CNGB3: variants seen among roughly 807,000 people sequenced by gnomAD.
The protein encoded by CNGB3 is cyclic nucleotide gated channel subunit beta 3.
In CNGB3, 86 loss-of-function variants were observed where a neutral mutation model predicts 92.8. The ratio of observed to expected loss-of-function variants is 0.93; its 90% CI spans 0.78 to 1.11. CNGB3 has a LOEUF of 1.11. Among genes scored for constraint, CNGB3 ranks in the 50% least tolerant of loss-of-function variants. The pLI is 0.00. For missense variants in CNGB3, 1,026 were observed against 956.8 expected (o/e 1.07, Z -0.95); for synonymous variants, 333 against 332.7 (o/e 1.00, Z -0.01).
At chr8:86,693,902 C>G (rs189506255) in intron 3 of CNGB3, among the ~76,000 whole-genome samples, 1,995 of 152,264 alleles carry the variant, frequency 0.013, 47 homozygotes, top group African/African-American at 0.045. Context: ...ACCCTTCCCC[C>G]CCTCTCCATT....
chr8:86,739,373 T>C (rs931114869), intron 2 of CNGB3, among the ~76,000 whole-genome samples: 3 of 152,218 alleles, frequency 2.0e-5, no homozygotes, highest in African/African-American at 4.8e-5. Flanking sequence ...ACAAGCTCTA[T>C]GTAACCTCAG....
chr8:86,631,772 T>A (rs1387645768), intron 11 of CNGB3, among the ~76,000 whole-genome samples: 1 of 152,198 alleles, frequency 6.6e-6, no homozygotes, highest in Non-Finnish European at 1.5e-5. Flanking sequence ...CCCCTCTCTG[T>A]ATTTCATTAA....
intron 3 of CNGB3, among the ~76,000 whole-genome samples, chr8:86,694,699 A>G (rs1163824063): frequency 6.9e-6 from 1 of 144,200 alleles, no homozygotes; most frequent in Non-Finnish European, 1.5e-5. Flanking sequence ...ATCTCAGACG[A>G]TGGGTGGCCG....
Position 86,575,965 on chromosome 8 carries a change from T to A in CNGB3, c.2269A>T (p.Thr757Ser). ...TCCTCCACTGCAATAGGACTTGCTG[T>A]ACATTCAGGTCTGTCCAGTGGCTTC... ...EEKPLDRPECTASPIAVEEEP... is the reference protein window; with the variant it reads ...EEKPLDRPECSASPIAVEEEP... The change falls in exon 18 of 18, where the codon ACA (threonine) becomes TCA (serine). Residue 757 changes from threonine (T) to serine (S), a missense_variant. Thr to Ser is a moderately conservative substitution (Grantham distance 58). Coordinates refer to ENST00000320005, the MANE Select transcript of CNGB3 (RefSeq NM_019098.5). The A allele has an allele frequency of 5.0e-6, 8 of 1,614,206 alleles. No individual in the cohort carries two copies. The highest frequency in any genetic ancestry group is 6.8e-6 in the Non-Finnish European group (8 of 1,180,026).
intron 6 of CNGB3, among the ~76,000 whole-genome samples, chr8:86,666,399 G>A (rs1225766725): frequency 6.6e-6 from 1 of 152,210 alleles, no homozygotes. Context: ...CTGCGTGATT[G>A]TAGAGGCAAG....
At chr8:86,661,224 T>TC in intron 6 of CNGB3, 1 of 301,866 alleles carries the variant, frequency 3.3e-6, no homozygotes. Context: ...GCTTTCTTTT[T>TC]CTTTTTTGAT....
At chr8:86,732,299 T>A (rs1825170613) in intron 2 of CNGB3, among the ~76,000 whole-genome samples, 1 of 152,158 alleles carries the variant, frequency 6.6e-6, no homozygotes, top group Non-Finnish European at 1.5e-5. Context: ...GGGCACCTAA[T>A]CTCAAGAGGG....
chr8:86,743,585 C>G lies in CNGB3; in HGVS notation c.43G>C (p.Gly15Arg), dbSNP rs150260103. The G allele has an allele frequency of 1.9e-4, 300 of 1,613,998 alleles. No homozygotes were observed. The African/African-American group carries it at 3.6e-3, about 19-fold the overall frequency. The change falls in exon 1 of 18, where the codon GGA becomes CGA. Residue 15 changes from glycine to arginine, a missense_variant. Gly to Arg is a moderately radical substitution (Grantham distance 125). Coordinates refer to ENST00000320005, the MANE Select transcript of CNGB3 (RefSeq NM_019098.5). The stretch of plus-strand genomic sequence containing the variant: ...CTTTGTTCATTCTCATTGTTCTCTC[C>G]TATAGGCTTCACCTTGTTGACTTTT... ...LTKVNKVKPI[G>R]ENNENEQSSR...
intron 10 of CNGB3, among the ~76,000 whole-genome samples, chr8:86,642,410 T>C (rs1351368290): frequency 1.3e-5 from 2 of 151,854 alleles, no homozygotes; most frequent in Non-Finnish European, 2.9e-5. Context: ...AAATTGAGTG[T>C]CTGTGTGTGT....
At chr8:86,628,570 A>G (rs937407792) in intron 12 of CNGB3, among the ~76,000 whole-genome samples, 1 of 151,892 alleles carries the variant, frequency 6.6e-6, no homozygotes, top group African/African-American at 2.4e-5. Flanking sequence ...TCTTCGCCCA[A>G]ATTTCTCAGT....
Position 86,667,103 on chromosome 8 carries a change from A to C in CNGB3, c.674T>G (p.Val225Gly). ...GCAGTTCCAGTTATAGGCAAGAGTG[A>C]CAAGCAAGAGCCACAGGAGATAGAG... ...DRLYLLWLLLVTLAYNWNCCF... is the reference protein window; with the variant it reads ...DRLYLLWLLLGTLAYNWNCCF... The change falls in exon 6 of 18, where the codon GTC becomes GGC. Residue 225 changes from valine (V) to glycine (G), a missense_variant. Val to Gly is a moderately radical substitution (Grantham distance 109). Coordinates refer to ENST00000320005, the MANE Select transcript of CNGB3 (RefSeq NM_019098.5). 6.2e-7 allele frequency: 1 copy of C among 1,614,016 alleles called. No homozygotes were observed. The highest frequency in any genetic ancestry group is 1.1e-5 in the South Asian group (1 of 91,054).
At chr8:86,668,237 T>G in intron 4 of CNGB3, 69 bp from the exon 5 acceptor site, 1 of 1,541,340 alleles carries the variant, frequency 6.5e-7, no homozygotes, top group East Asian at 2.3e-5. Flanking sequence ...AAACTTGAAT[T>G]TCTTAACCAA....
intron 13 of CNGB3, among the ~76,000 whole-genome samples, chr8:86,622,992 C>A (rs966038287): frequency 6.6e-6 from 1 of 152,122 alleles, no homozygotes; most frequent in African/African-American, 2.4e-5. Flanking sequence ...CATGGGTTAA[C>A]CTAATGCTGG....
chr8:86,639,593 C>T (rs1823141062), intron 10 of CNGB3, among the ~76,000 whole-genome samples: 1 of 151,816 alleles, frequency 6.6e-6, no homozygotes, highest in South Asian at 2.1e-4. Context: ...TATAGGTCAC[C>T]AGGACCATCA....
intron 7 of CNGB3, among the ~76,000 whole-genome samples, chr8:86,648,813 G>T (rs1277944921): frequency 6.6e-6 from 1 of 151,150 alleles, no homozygotes; most frequent in Non-Finnish European, 1.5e-5. Flanking sequence ...GAGGAATCCA[G>T]CAAGAGAAAG....
intron 15 of CNGB3, among the ~76,000 whole-genome samples, chr8:86,592,780 A>G (rs1177666462): frequency 6.6e-6 from 1 of 152,220 alleles, no homozygotes; most frequent in Non-Finnish European, 1.5e-5. Flanking sequence ...AAAACTCCAA[A>G]TATTTGTTCT....
chr8:86,683,515 T>C (rs1469277423), intron 3 of CNGB3, among the ~76,000 whole-genome samples: 1 of 152,178 alleles, frequency 6.6e-6, no homozygotes, highest in Non-Finnish European at 1.5e-5. Context: ...ACTGTACTGG[T>C]AGTCTGACTG....
intron 15 of CNGB3, among the ~76,000 whole-genome samples, chr8:86,586,017 A>G (rs1028456463): frequency 6.6e-6 from 1 of 152,226 alleles, no homozygotes; most frequent in South Asian, 2.1e-4. Flanking sequence ...AGAGGCTTTG[A>G]TAAGTACTTT....
At chr8:86,682,959 C>T (rs190342275) in intron 3 of CNGB3, among the ~76,000 whole-genome samples, 9 of 152,260 alleles carry the variant, frequency 5.9e-5, no homozygotes, top group Non-Finnish European at 1.3e-4. Flanking sequence ...GCACCAGGCT[C>T]CCAGTTTTTG....
Sources: allele counts gnomAD v4.1 joint callset (sites outside exome capture counted in the v4.1 genomes callset), GRCh38; gene constraint gnomAD v4.1.1; transcripts MANE v1.5; gene names NCBI Gene and HGNC (gene_info 2026-07-23, HGNC 2026-07-21).